TENM3: variants seen among roughly 807,000 people sequenced by gnomAD.
TENM3 encodes the protein teneurin transmembrane protein 3.
In TENM3, 63 loss-of-function variants were observed where a neutral mutation model predicts 255.1. The observed-to-expected ratio is 0.25, with a 90% confidence interval of 0.20 to 0.30. TENM3 has a LOEUF of 0.30. Ranked by LOEUF, TENM3 falls within the 10% of genes least tolerant of loss-of-function variation. The pLI, the probability that TENM3 is intolerant of heterozygous loss-of-function variation, is 1.00. For synonymous variants in TENM3, 1,306 were observed against 1,322.3 expected (o/e 0.99, Z 0.27); for missense variants, 2,929 against 3,461.1 (o/e 0.85, Z 3.86).
chr4:181,787,144 A>G, the TENM3 span, among the ~76,000 whole-genome samples: 2 of 152,208 alleles, frequency 1.3e-5, no homozygotes, highest in Admixed American at 1.3e-4. Flanking sequence ...AGGAGGCCGG[A>G]CACGCCTTGT....
the TENM3 span, among the ~76,000 whole-genome samples, chr4:181,959,070 GATT>G: frequency 2.0e-5 from 3 of 152,128 alleles, no homozygotes; most frequent in East Asian, 1.9e-4. Flanking sequence ...TTGGTGAATC[GATT>G]ATTATTAATT....
At chr4:181,690,554 A>T in the TENM3 span, among the ~76,000 whole-genome samples, 1 of 152,180 alleles carries the variant, frequency 6.6e-6, no homozygotes, top group Non-Finnish European at 1.5e-5. Flanking sequence ...ATAAAAAATC[A>T]TACTGAAAAA....
chr4:182,043,654 T>A, the TENM3 span, among the ~76,000 whole-genome samples: 1 of 152,204 alleles, frequency 6.6e-6, no homozygotes, highest in African/African-American at 2.4e-5. Context: ...AAATTATTAT[T>A]GAAGTATCCG....
chr4:182,726,023 T>C (rs1760147893), intron 13 of TENM3, among the ~76,000 whole-genome samples: 1 of 152,152 alleles, frequency 6.6e-6, no homozygotes, highest in Non-Finnish European at 1.5e-5. Context: ...ATCTTAGAAA[T>C]ATAACAGACA....
chr4:181,545,151 G>A, the TENM3 span, among the ~76,000 whole-genome samples: 17 of 152,320 alleles, frequency 1.1e-4, no homozygotes, highest in African/African-American at 4.1e-4. Flanking sequence ...AGAGCTTTTG[G>A]AGCAAGTTAT....
At chr4:181,887,976 C>T in the TENM3 span, among the ~76,000 whole-genome samples, 1 of 152,142 alleles carries the variant, frequency 6.6e-6, no homozygotes, top group African/African-American at 2.4e-5. Flanking sequence ...TAATCTTAAA[C>T]AGCTTCCCAG....
the TENM3 span, among the ~76,000 whole-genome samples, chr4:181,937,034 G>A: frequency 6.6e-6 from 1 of 152,212 alleles, no homozygotes; most frequent in Non-Finnish European, 1.5e-5. Flanking sequence ...ACAGTGGCCA[G>A]AATAGAAATT....
chr4:181,962,548 G>C, the TENM3 span, among the ~76,000 whole-genome samples: 7 of 152,234 alleles, frequency 4.6e-5, no homozygotes, highest in Non-Finnish European at 8.8e-5. Flanking sequence ...GGATGAAACA[G>C]GTTGTTTTGG....
chr4:181,472,218 A>G, the TENM3 span, among the ~76,000 whole-genome samples: 1 of 152,056 alleles, frequency 6.6e-6, no homozygotes, highest in Non-Finnish European at 1.5e-5. Flanking sequence ...TTACTTTTTC[A>G]TTGATTTGTG....
chr4:182,336,130 G>A (rs1167663141), intron 2 of TENM3, among the ~76,000 whole-genome samples: 1 of 152,144 alleles, frequency 6.6e-6, no homozygotes, highest in Non-Finnish European at 1.5e-5. Flanking sequence ...TTTGTTCAAA[G>A]AGACAGTCTC....
chr4:182,795,858 A>T (rs912846401), intron 26 of TENM3, among the ~76,000 whole-genome samples: 2 of 151,968 alleles, frequency 1.3e-5, no homozygotes, highest in Non-Finnish European at 2.9e-5. Context: ...TATATAAAAT[A>T]ATCTACACCC....
the TENM3 span, among the ~76,000 whole-genome samples, chr4:181,635,042 C>A: frequency 5.9e-5 from 9 of 152,036 alleles, no homozygotes; most frequent in African/African-American, 2.2e-4. Flanking sequence ...TGAGACCTAT[C>A]TCTGAAAACA....
chr4:182,609,087 G>A lies in TENM3; in HGVS notation c.749+7926G>A, dbSNP rs115309993. Among the ~76,000 whole-genome samples the A allele has an allele frequency of 2.4e-3, 371 of 152,308 alleles. 1 individual carries two copies. The highest frequency in any genetic ancestry group is 8.3e-3 in the African/African-American group (347 of 41,578). Reference sequence around the variant, plus strand: ...TTGGGGATGGGACTGGGGACGCTAGGCCAGGAACCATTTGCGGAGGAGCCT... The same window carrying A: ...TTGGGGATGGGACTGGGGACGCTAGACCAGGAACCATTTGCGGAGGAGCCT... On this transcript the variant is annotated intron_variant, in intron 4 of 27. Transcript: ENST00000511685.
At chr4:182,494,684 T>C (rs1735602319) in intron 3 of TENM3, among the ~76,000 whole-genome samples, 1 of 152,236 alleles carries the variant, frequency 6.6e-6, no homozygotes, top group Admixed American at 6.5e-5. Flanking sequence ...GTATAAAGAC[T>C]TCTGTAATTT....
chr4:182,600,246 C>T (rs563212471), intron 3 of TENM3, among the ~76,000 whole-genome samples: 25 of 152,246 alleles, frequency 1.6e-4, no homozygotes, highest in African/African-American at 4.1e-4. Context: ...ATGGATGTGA[C>T]GGTCATTAAG....
chr4:182,628,729 C>T lies in TENM3; in HGVS notation c.828C>T (p.Gly276=). ...CCCCAGGATACACAATGGCATCTGG[C>T]TCTGTTTATTCACCACCTACTCGGC... is the stretch of plus-strand genomic sequence containing the variant. ...TATPGYTMAS[G]SVYSPPTRPL... Residue 276 remains glycine (G), a synonymous_variant, in exon 5 of 28, where the codon GGC becomes GGT. Transcript: ENST00000511685. 1 of 1,609,242 alleles carries T rather than the reference C, an allele frequency of 6.2e-7. No individual in the cohort carries two copies. Among genetic ancestry groups the T allele is most frequent in the Non-Finnish European group, 8.5e-7 (1 of 1,177,738 alleles).
chr4:182,563,067 G>A (rs1161384062), intron 3 of TENM3, among the ~76,000 whole-genome samples: 1 of 152,112 alleles, frequency 6.6e-6, no homozygotes, highest in African/African-American at 2.4e-5. Context: ...GTGATGGTAG[G>A]AAACCTTGAT....
intron 3 of TENM3, among the ~76,000 whole-genome samples, chr4:182,570,753 C>G (rs1179388447): frequency 3.3e-5 from 5 of 151,952 alleles, no homozygotes; most frequent in Non-Finnish European, 7.4e-5. Context: ...GAACGTTAAC[C>G]TGGGAGGCGG....
intron 13 of TENM3, among the ~76,000 whole-genome samples, chr4:182,722,236 G>A (rs1018141233): frequency 7.2e-5 from 11 of 151,924 alleles, no homozygotes; most frequent in African/African-American, 2.4e-4. Flanking sequence ...AGTACCTATT[G>A]GAGTAAAAAA....
Sources: allele counts gnomAD v4.1 joint callset (sites outside exome capture counted in the v4.1 genomes callset), GRCh38; gene constraint gnomAD v4.1.1; transcripts MANE v1.5; gene names NCBI Gene and HGNC (gene_info 2026-07-23, HGNC 2026-07-21).